FRK: variants seen among roughly 807,000 people sequenced by gnomAD.
FRK encodes fyn related Src family tyrosine kinase.
Under a neutral mutation model 56.4 loss-of-function variants are expected in FRK, and 51 were observed. That is an observed-to-expected ratio of 0.90 (90% CI 0.72 to 1.14). The LOEUF is 1.14. Ranked by LOEUF, FRK falls within the 50% of genes most tolerant of loss-of-function variation. The pLI, the probability that FRK is intolerant of heterozygous loss-of-function variation, is 0.00. For synonymous variants in FRK, 245 were observed against 217.9 expected, an observed-to-expected ratio of 1.12 and a Z score of -1.10; for missense variants, 570 against 601.4, an observed-to-expected ratio of 0.95 and a Z score of 0.55.
chr6:115,943,489 CAAAAA>C (rs35923228), intron 6 of FRK, among the ~76,000 whole-genome samples: 3 of 59,566 alleles, frequency 5.0e-5, no homozygotes, highest in Non-Finnish European at 7.3e-5. Flanking sequence ...TGGTCTTGAG[CAAAAA>C]AAAAAAAAAA....
the FRK span, among the ~76,000 whole-genome samples, chr6:116,099,776 CTCAA>C: frequency 3.9e-5 from 6 of 152,188 alleles, no homozygotes; most frequent in East Asian, 1.9e-4. Flanking sequence ...AAATGCAGTT[CTCAA>C]TCAATTATAT....
In FRK at chr6:116,032,348, T is replaced by C. The variant is rs575649420; in HGVS notation, c.344+27620A>G. On this transcript the variant is annotated intron_variant, in intron 1 of 7. Coordinates refer to ENST00000606080, the MANE Select transcript of FRK (RefSeq NM_002031.3). ...AGATGCTTTTCTTACAATGTTCTCTTACATGTAAATGAGAAAAGATTGACA... is the reference window on the plus strand; with the variant it reads ...AGATGCTTTTCTTACAATGTTCTCTCACATGTAAATGAGAAAAGATTGACA... Among the ~76,000 whole-genome samples, 3 of 152,220 alleles carry C rather than the reference T, an allele frequency of 2.0e-5. No individual in the cohort carries two copies. In the South Asian group the frequency reaches 6.2e-4, roughly 32 times the overall value.
the FRK span, among the ~76,000 whole-genome samples, chr6:116,079,558 GT>G: frequency 9.6e-4 from 146 of 152,062 alleles, no homozygotes; most frequent in African/African-American, 3.4e-3. Context: ...CATTTAAAAT[GT>G]TTTTTATGGA....
chr6:116,082,145 T>C, the FRK span, among the ~76,000 whole-genome samples: 1 of 152,146 alleles, frequency 6.6e-6, no homozygotes, highest in Non-Finnish European at 1.5e-5. Flanking sequence ...AAGGGGGAGC[T>C]TGTACCGCAT....
intron 1 of FRK, among the ~76,000 whole-genome samples, chr6:116,008,956 T>C (rs564278863): frequency 1.3e-5 from 2 of 152,314 alleles, no homozygotes; most frequent in African/African-American, 4.8e-5. Flanking sequence ...CAGAGTTTAA[T>C]TGAGCAAAGA....
intron 1 of FRK, among the ~76,000 whole-genome samples, chr6:116,007,647 C>G (rs181862747): frequency 6.6e-6 from 1 of 151,992 alleles, no homozygotes; most frequent in Admixed American, 6.5e-5. Flanking sequence ...AATAATATAC[C>G]AAAGCGGTTT....
Position 116,039,376 on chromosome 6 carries a change from G to A in FRK, c.344+20592C>T. The A allele has an allele frequency of 2.0e-6, 3 of 1,509,242 alleles. No homozygotes were observed. The Admixed American group carries it at 5.0e-5, about 25-fold the overall frequency. The allele number at this position is 1,509,242 out of a possible 1,614,324, so 93.5% of individuals were successfully genotyped here. Reference sequence around the variant, plus strand: ...CAGAGCACCCGTATCCATTTATGGAGGCTCTGTGATGGGGGCAACCTGCAA... The same window carrying A: ...CAGAGCACCCGTATCCATTTATGGAAGCTCTGTGATGGGGGCAACCTGCAA... On this transcript the variant is annotated intron_variant, in intron 1 of 7. Coordinates refer to ENST00000606080, the MANE Select transcript of FRK (RefSeq NM_002031.3).
At chr6:116,032,325 A>G (rs746053260) in intron 1 of FRK, among the ~76,000 whole-genome samples, 26 of 152,114 alleles carry the variant, frequency 1.7e-4, no homozygotes, top group Non-Finnish European at 3.7e-4. Context: ...GAAAAAAGAG[A>G]TGCTTTTCTT....
At position 116,031,114 on chromosome 6, in the gene FRK, T is replaced by C. The variant is rs1776290682; in HGVS notation, c.345-27116A>G. Among the ~76,000 whole-genome samples, 5 of 152,026 alleles carry C rather than the reference T, an allele frequency of 3.3e-5. No homozygotes were observed. The South Asian group carries it at 1.0e-3, about 32-fold the overall frequency. On this transcript the variant is annotated intron_variant, in intron 1 of 7. Transcript: ENST00000606080. Reference sequence around the variant, plus strand: ...CTATGCTATTCAAACATTAGAAAAATAAAAAGTGTAAGAAAGTCTAAATGC... The same window carrying C: ...CTATGCTATTCAAACATTAGAAAAACAAAAAGTGTAAGAAAGTCTAAATGC...
intron 2 of FRK, among the ~76,000 whole-genome samples, chr6:115,994,761 T>C (rs1467190781): frequency 6.6e-6 from 1 of 152,040 alleles, no homozygotes; most frequent in African/African-American, 2.4e-5. Context: ...CATAATGGGA[T>C]TAATGCCCTT....
intron 1 of FRK, among the ~76,000 whole-genome samples, chr6:116,020,432 C>T (rs912146513): frequency 6.6e-6 from 1 of 152,050 alleles, no homozygotes; most frequent in African/African-American, 2.4e-5. Context: ...GCTAGGATTA[C>T]AGGCACACGC....
chr6:116,060,577 G>A lies in FRK; in HGVS notation c.-266C>T. The A allele has an allele frequency of 2.5e-6, 1 of 404,036 alleles. No individual in the cohort carries two copies. The highest frequency in any genetic ancestry group is 2.0e-5 in the African/African-American group (1 of 49,914). 25.0% of individuals were successfully genotyped at this position (404,036 alleles called of 1,614,324 possible). A position where few individuals can be genotyped will look rare whatever the true frequency, so the allele number is the denominator to read the frequency against. On this transcript the variant is annotated 5_prime_UTR_variant, in exon 1 of 8. Transcript: ENST00000606080. ...GAGCTGGGCAGCTGCTCACTAGGAA[G>A]GTGTCTTTTCTTCTTATCTGCTTAA...
In FRK at chr6:115,943,111, A is replaced by G. The variant is rs200561287; in HGVS notation, c.1215T>C (p.Ile405=). 23 of 1,613,340 alleles carry G rather than the reference A, an allele frequency of 1.4e-5. No homozygotes were observed. The highest frequency in any genetic ancestry group is 2.5e-6 in the Non-Finnish European group (3 of 1,179,690). ...LPVKWTAPEA[I]RSNKFSIKSD... Reference sequence around the variant, plus strand: ...ACTTAATGCTGAATTTATTACTACGAATGGCTTCGGGCGCAGTCCACTTCA... The same window carrying G: ...ACTTAATGCTGAATTTATTACTACGGATGGCTTCGGGCGCAGTCCACTTCA... Residue 405 remains isoleucine (I), a synonymous_variant, in exon 7 of 8, where the codon ATT becomes ATC. Transcript: ENST00000606080.
At position 115,932,776 on chromosome 6, in the gene FRK, T is replaced by C. The variant is rs1014417899; in HGVS notation, c.*9638A>G. On this transcript the variant is annotated 3_prime_UTR_variant, in exon 8 of 8. Coordinates refer to ENST00000606080, the MANE Select transcript of FRK (RefSeq NM_002031.3). ...TCAGGAAGCTCCAGCTGGGTAGTGG[T>C]ATGGCATCCTTCCAATGGCAACAGT... is the stretch of plus-strand genomic sequence containing the variant. The C allele has an allele frequency of 2.0e-5, 3 of 152,198 alleles. No homozygotes were observed. The highest frequency in any genetic ancestry group is 7.2e-5 in the African/African-American group (3 of 41,428). 9.4% of individuals were successfully genotyped at this position (152,198 alleles called of 1,614,324 possible).
chr6:116,093,397 A>G, the FRK span, among the ~76,000 whole-genome samples: 15 of 152,202 alleles, frequency 9.9e-5, no homozygotes, highest in African/African-American at 3.4e-4. Context: ...GATGATCCTG[A>G]TAGGTACATA....
chr6:115,970,640 T>G (rs1773771524), intron 2 of FRK, among the ~76,000 whole-genome samples: 1 of 152,224 alleles, frequency 6.6e-6, no homozygotes, highest in African/African-American at 2.4e-5. Context: ...GGCTCACGCC[T>G]TTAGTCACAG....
chr6:115,970,906 A>T (rs1174464130), intron 2 of FRK, among the ~76,000 whole-genome samples: 3 of 152,142 alleles, frequency 2.0e-5, no homozygotes, highest in Admixed American at 2.0e-4. Flanking sequence ...TGGGCAACAG[A>T]ACAAGACTGT....
Position 116,039,550 on chromosome 6 carries a change from A to G in FRK, c.344+20418T>C. The G allele has an allele frequency of 8.9e-6, 9 of 1,016,100 alleles. No homozygotes were observed. The South Asian group carries it at 1.1e-4, about 13-fold the overall frequency. The allele number at this position is 1,016,100 out of a possible 1,614,324, so 62.9% of individuals were successfully genotyped here. A position where few individuals can be genotyped will look rare whatever the true frequency, so the allele number is the denominator to read the frequency against. ...CAAGCCAGGGACTAAGCAGCCCAGA[A>G]GCCCAGTAACTGCCCCTCCCCTGCA... On this transcript the variant is annotated intron_variant, in intron 1 of 7. Transcript: ENST00000606080.
At chr6:116,032,548 G>A (rs1011661347) in intron 1 of FRK, among the ~76,000 whole-genome samples, 6 of 152,240 alleles carry the variant, frequency 3.9e-5, no homozygotes, top group Admixed American at 1.3e-4. Flanking sequence ...AACATGTGGT[G>A]TATTGATGAA....
Sources: allele counts gnomAD v4.1 joint callset (sites outside exome capture counted in the v4.1 genomes callset), GRCh38; gene constraint gnomAD v4.1.1; transcripts MANE v1.5; gene names NCBI Gene and HGNC (gene_info 2026-07-23, HGNC 2026-07-21).